Variants in EML4 observed in about 807,000 individuals in gnomAD.
The protein encoded by EML4 is echinoderm microtubule-associated protein-like 4.
EML4 carries 72 observed loss-of-function variants against 129.0 expected under a neutral mutation model. That is an observed-to-expected ratio of 0.56 (90% CI 0.46 to 0.68). The LOEUF (loss-of-function observed/expected upper bound fraction) is 0.68, where lower values mean the gene tolerates loss of function less well. Ranked by LOEUF, EML4 falls within the 30% of genes least tolerant of loss-of-function variation. EML4 has a pLI of 0.00. For synonymous variants in EML4, 532 were observed against 405.0 expected, an observed-to-expected ratio of 1.31 and a Z score of -3.77; for missense variants, 1,363 against 1,190.6, an observed-to-expected ratio of 1.14 and a Z score of -2.13.
intron 2 of EML4, among the ~76,000 whole-genome samples, chr2:42,256,004 C>G (rs775583753): frequency 1.3e-5 from 2 of 152,200 alleles, no homozygotes; most frequent in Non-Finnish European, 2.9e-5. Context: ...ACCAGTCACA[C>G]ATTTATTCCA....
intron 1 of EML4, among the ~76,000 whole-genome samples, chr2:42,230,989 A>G (rs902443689): frequency 2.0e-5 from 3 of 152,164 alleles, no homozygotes; most frequent in African/African-American, 7.2e-5. Flanking sequence ...TCTTACATTT[A>G]AATAAAAACA....
chr2:42,304,540 G>A lies in EML4; in HGVS notation c.1956G>A (p.Thr652=), dbSNP rs770961169. 2.1e-5 allele frequency: 34 copies of A among 1,613,282 alleles called. No individual in the cohort carries two copies. Among genetic ancestry groups the A allele is most frequent in the South Asian group, 1.8e-4 (16 of 91,024 alleles). Residue 652 remains threonine, a synonymous_variant, in exon 17 of 23, where the codon ACG becomes ACA. Coordinates refer to ENST00000318522, the MANE Select transcript of EML4 (RefSeq NM_019063.5). ...GTGGCACAGTGGTGGCCATAGGAAC[G>A]CACTCAGGCAGGTAGGGTCTTTAAG... ...HPSGTVVAIG[T]HSGRWFVLDA...
At chr2:42,234,678 A>G (rs1024348519) in intron 1 of EML4, among the ~76,000 whole-genome samples, 2 of 152,222 alleles carry the variant, frequency 1.3e-5, no homozygotes, top group African/African-American at 2.4e-5. Context: ...ATTCCTGTTG[A>G]GAGGACAGGG....
chr2:42,251,273 T>C lies in EML4; in HGVS notation c.209-5228T>C, dbSNP rs564114025. 3.9e-5 allele frequency among the ~76,000 whole-genome samples: 6 copies of C among 152,234 alleles called. No individual in the cohort carries two copies. In the South Asian group the frequency reaches 6.2e-4, roughly 16 times the overall value. Reference sequence around the variant, plus strand: ...AACAAACCTAAACATAGAAAAGATATGGTAAAAATAGGGTATTAGAATCTT... The same window carrying C: ...AACAAACCTAAACATAGAAAAGATACGGTAAAAATAGGGTATTAGAATCTT... On this transcript the variant is annotated intron_variant, in intron 2 of 22. Transcript: ENST00000318522.
At chr2:42,170,317 G>C (rs1473387372) in intron 1 of EML4, 2 of 152,248 alleles carry the variant, frequency 1.3e-5, no homozygotes, top group African/African-American at 2.4e-5. Flanking sequence ...CATCTGTGTT[G>C]GGGGACCCTC....
intron 6 of EML4, among the ~76,000 whole-genome samples, chr2:42,271,421 T>A (rs565505308): frequency 5.1e-4 from 78 of 151,560 alleles, no homozygotes; most frequent in African/African-American, 1.8e-3. Flanking sequence ...GATTTTTTTT[T>A]AAGCCCTATA....
intron 14 of EML4, among the ~76,000 whole-genome samples, chr2:42,302,372 C>T (rs536522849): frequency 6.6e-6 from 1 of 151,924 alleles, no homozygotes; most frequent in African/African-American, 2.4e-5. Context: ...TTGATCCTTA[C>T]AACAATCAAG....
At chr2:42,264,221 T>C (rs1050159184) in intron 5 of EML4, among the ~76,000 whole-genome samples, 1 of 150,460 alleles carries the variant, frequency 6.6e-6, no homozygotes, top group African/African-American at 2.4e-5. Flanking sequence ...CTCAGGTGAT[T>C]CTCCTACCCC....
Position 42,315,962 on chromosome 2 carries a change from G to A in EML4, c.1968G>A (p.Arg656=), listed in dbSNP as rs771042775. 1 of 1,607,104 alleles carries A rather than the reference G, an allele frequency of 6.2e-7. No homozygotes were observed. The highest frequency in any genetic ancestry group is 1.1e-5 in the South Asian group (1 of 89,500). The change falls in exon 18 of 23, where the codon AGG becomes AGA. Residue 656 remains arginine, a splice_region_variant and synonymous_variant. Transcript: ENST00000318522. The part of the protein sequence containing the change: ...TVVAIGTHSG[R]WFVLDAETRD... ...AATTTTGATTTTTACTTCTTAACAG[G>A]TGGTTTGTTCTGGATGCAGAAACCA... is the stretch of plus-strand genomic sequence containing the variant.
chr2:42,263,664 A>C (rs1268149570), intron 5 of EML4, among the ~76,000 whole-genome samples: 2 of 151,722 alleles, frequency 1.3e-5, no homozygotes, highest in Non-Finnish European at 2.9e-5. Flanking sequence ...CCGCCTCCCA[A>C]AGTGCTGGGA....
At chr2:42,325,435 T>C in intron 19 of EML4, 32 bp from the exon 20 acceptor site, 2 of 1,032,904 alleles carry the variant, frequency 1.9e-6, no homozygotes, top group Non-Finnish European at 3.0e-6. Flanking sequence ...GAACTCTAAA[T>C]GCTTTCTAAC....
At chr2:42,196,976 G>A (rs1671930161) in intron 1 of EML4, among the ~76,000 whole-genome samples, 2 of 152,172 alleles carry the variant, frequency 1.3e-5, no homozygotes, top group African/African-American at 4.8e-5. Flanking sequence ...CAGTGTTTTT[G>A]TAGGCCCATA....
chr2:42,220,448 T>G (rs76740029), intron 1 of EML4, among the ~76,000 whole-genome samples: 1 of 151,988 alleles, frequency 6.6e-6, no homozygotes, highest in Non-Finnish European at 1.5e-5. Context: ...TGTAATTGTT[T>G]TGGAGTGCCA....
chr2:42,296,024 A>AT (rs1184247194), intron 13 of EML4, among the ~76,000 whole-genome samples: 2 of 152,198 alleles, frequency 1.3e-5, no homozygotes, highest in Non-Finnish European at 2.9e-5. Context: ...ACACAGATTT[A>AT]TTCTTAAGTT....
chr2:42,206,412 C>T (rs1287422875), intron 1 of EML4, among the ~76,000 whole-genome samples: 1 of 152,130 alleles, frequency 6.6e-6, no homozygotes, highest in Non-Finnish European at 1.5e-5. Context: ...AATGGGATTT[C>T]ACTGTCTTGC....
chr2:42,264,587 C>A (rs1427647195), intron 5 of EML4, 119 bp from the exon 6 acceptor site: 2 of 665,356 alleles, frequency 3.0e-6, no homozygotes, highest in Non-Finnish European at 5.3e-6. Flanking sequence ...ACTTTCACTT[C>A]CAGAGATTTA....
intron 7 of EML4, 105 bp from the exon 8 acceptor site, chr2:42,282,718 C>G: frequency 2.0e-6 from 2 of 1,000,734 alleles, no homozygotes; most frequent in East Asian, 2.4e-5. Context: ...AGTTCTAGTT[C>G]AGTCTTCTTC....
At chr2:42,226,105 A>G (rs544601183) in intron 1 of EML4, among the ~76,000 whole-genome samples, 1 of 152,282 alleles carries the variant, frequency 6.6e-6, no homozygotes, top group South Asian at 2.1e-4. Context: ...CATGCCGTAG[A>G]CACATTTGTA....
At chr2:42,247,793 A>G (rs1351769581) in intron 2 of EML4, among the ~76,000 whole-genome samples, 1 of 152,048 alleles carries the variant, frequency 6.6e-6, no homozygotes, top group South Asian at 2.1e-4. Context: ...GAGTAGGATA[A>G]GGAGCTAGAT....
Sources: allele counts gnomAD v4.1 joint callset (sites outside exome capture counted in the v4.1 genomes callset), GRCh38; gene constraint gnomAD v4.1.1; transcripts MANE v1.5; gene names NCBI Gene and HGNC (gene_info 2026-07-23, HGNC 2026-07-21).